The following PATJ variants were observed in gnomAD, a reference collection of about 807,000 sequenced individuals.
The protein encoded by PATJ is PATJ crumbs cell polarity complex component.
PATJ carries 190 observed loss-of-function variants against 224.9 expected under a neutral mutation model. The ratio of observed to expected loss-of-function variants is 0.84; its 90% confidence interval spans 0.75 to 0.95. The LOEUF (loss-of-function observed/expected upper bound fraction) is 0.95. PATJ is among the 40% of genes least tolerant of loss of function. The pLI is 0.00. For missense variants in PATJ, 2,121 were observed against 2,270.3 expected, an observed-to-expected ratio of 0.93 and a Z score of 1.34; for synonymous variants, 769 against 820.3, an observed-to-expected ratio of 0.94 and a Z score of 1.07.
rs763687375 is a variant in PATJ, at chr1:61,899,594, A to G, written c.3143A>G (p.Glu1048Gly). 6 of 1,609,860 alleles carry G rather than the reference A, an allele frequency of 3.7e-6. No individual in the cohort carries two copies. In the Admixed American group the frequency reaches 1.0e-4, roughly 27 times the overall value. The change falls in exon 23 of 44, where the codon GAG becomes GGG. Residue 1048 changes from glutamate to glycine, a missense_variant. Physicochemically the swap from Glu to Gly is moderately conservative, Grantham distance 98. Transcript: ENST00000642238. ...TTCTCCCTCTGTAGTGAGTTACCTGAGAGAGAAGAAGGCGAAGGAGAAGAA... is the reference window on the plus strand; with the variant it reads ...TTCTCCCTCTGTAGTGAGTTACCTGGGAGAGAAGAAGGCGAAGGAGAAGAA... ...RYATDTCELP[E>G]REEGEGEETP...
intron 29 of PATJ, among the ~76,000 whole-genome samples, chr1:62,021,221 A>C (rs1191100518): frequency 6.6e-6 from 1 of 152,162 alleles, no homozygotes; most frequent in East Asian, 1.9e-4. Flanking sequence ...TTCCTGTTTC[A>C]TAGATCTATT....
At chr1:62,127,621 C>T (rs1342996309) in intron 39 of PATJ, among the ~76,000 whole-genome samples, 2 of 152,098 alleles carry the variant, frequency 1.3e-5, no homozygotes, top group East Asian at 1.9e-4. Context: ...GCCTGGCCAA[C>T]ATGGTGAAGC....
rs770666101 is a variant in PATJ at position 61,795,532 on chromosome 1, A to T, written c.1234A>T (p.Ile412Phe). The change falls in exon 10 of 44, where the codon ATT (isoleucine) becomes TTT (phenylalanine). Residue 412 changes from isoleucine (I) to phenylalanine (F), a missense_variant. Transcript: ENST00000642238. ...CAGTGCTGCGTACCACAATGGCCAC[A>T]TTCAAGTGAATGACAAAATAGTTGC... ...PGSAAYHNGH[I>F]QVNDKIVAVD... 6.2e-7 allele frequency: 1 copy of T among 1,609,358 alleles called. No homozygotes were observed. Among genetic ancestry groups the T allele is most frequent in the South Asian group, 1.1e-5 (1 of 90,554 alleles).
At chr1:61,797,912 C>T (rs373561494) in intron 11 of PATJ, among the ~76,000 whole-genome samples, 6 of 151,790 alleles carry the variant, frequency 4.0e-5, no homozygotes, top group South Asian at 2.1e-4. Context: ...AAGTGATTCT[C>T]GTGCCTCAGC....
At chr1:61,996,747 T>C (rs397862514) in intron 28 of PATJ, among the ~76,000 whole-genome samples, 190 of 130,898 alleles carry the variant, frequency 1.5e-3, no homozygotes, top group Middle Eastern at 7.4e-3. Context: ...TTTTCTTTTT[T>C]TTTTTTTTTT....
At chr1:61,890,411 C>T (rs746568680) in intron 22 of PATJ, among the ~76,000 whole-genome samples, 1 of 152,098 alleles carries the variant, frequency 6.6e-6, no homozygotes, top group Non-Finnish European at 1.5e-5. Flanking sequence ...CCCAGCAGTT[C>T]GAGGTTATAG....
intron 14 of PATJ, among the ~76,000 whole-genome samples, chr1:61,814,579 G>A (rs1655721339): frequency 6.7e-6 from 1 of 149,972 alleles, no homozygotes; most frequent in Non-Finnish European, 1.5e-5. Context: ...TGGGATAGAA[G>A]GGGTGTGTAG....
chr1:62,117,847 T>C (rs1664615954), intron 37 of PATJ, among the ~76,000 whole-genome samples: 1 of 152,226 alleles, frequency 6.6e-6, no homozygotes, highest in African/African-American at 2.4e-5. Context: ...TAGCCCCATG[T>C]GGTACATAAT....
At chr1:62,101,921 G>T (rs956950726) in intron 33 of PATJ, among the ~76,000 whole-genome samples, 1 of 152,144 alleles carries the variant, frequency 6.6e-6, no homozygotes, top group Admixed American at 6.6e-5. Context: ...ACTTACACCT[G>T]TAATCCCACC....
intron 29 of PATJ, among the ~76,000 whole-genome samples, chr1:62,021,431 G>T (rs1647073891): frequency 6.6e-6 from 1 of 152,150 alleles, no homozygotes; most frequent in African/African-American, 2.4e-5. Context: ...AACCTTTCCT[G>T]CATGGTCATT....
At chr1:62,125,265 A>AAAAAC (rs1665597466) in intron 39 of PATJ, among the ~76,000 whole-genome samples, 6 of 59,970 alleles carry the variant, frequency 1.0e-4, no homozygotes, top group Non-Finnish European at 3.0e-4. Flanking sequence ...AAAAAAAAAC[A>AAAAAC]AAAAAAAAAC....
At chr1:62,083,119 G>T (rs936682370) in intron 32 of PATJ, among the ~76,000 whole-genome samples, 19 of 152,054 alleles carry the variant, frequency 1.2e-4, no homozygotes, top group South Asian at 4.1e-4. Flanking sequence ...ATGTTTTGAG[G>T]TTTCGTTGTT....
Position 61,832,602 on chromosome 1 carries a change from G to A in PATJ, c.1981-1052G>A, listed in dbSNP as rs573271789. On this transcript the variant is annotated intron_variant, in intron 16 of 43. Coordinates refer to ENST00000642238, the MANE Select transcript of PATJ (RefSeq NM_001350145.3). ...CACTCAAAGATAGGTAATTTTTAAT[G>A]TATTGAACAACTATTTATTGTGTGC... Among the ~76,000 whole-genome samples the A allele has an allele frequency of 2.6e-5, 4 of 152,234 alleles. No individual in the cohort carries two copies. The South Asian group carries it at 8.3e-4, about 32-fold the overall frequency.
Position 61,908,446 on chromosome 1 carries a change from GGT to G in PATJ, c.3459_3460del (p.Phe1154HisfsTer14). 1 of 1,613,800 alleles carries G rather than the reference GGT, an allele frequency of 6.2e-7. No individual in the cohort carries two copies. Among genetic ancestry groups the G allele is most frequent in the South Asian group, 1.1e-5 (1 of 91,060 alleles). On this transcript the variant is annotated frameshift_variant, in exon 25 of 44. Coordinates refer to ENST00000642238, the MANE Select transcript of PATJ (RefSeq NM_001350145.3). LOFTEE classifies it high-confidence loss of function. ...CCATTAAGAATGCAGGAAACCCTGT[GGT>G]GTTCATTGTTCAGAGTTTGTCATCC... Reference protein sequence around the residue: ...EAIKNAGNPVVFIVQSLSSTP... With the variant: ...EAIKNAGNPVXFIVQSLSSTP...
At chr1:62,097,850 AAGG>A (rs1417754504) in intron 33 of PATJ, among the ~76,000 whole-genome samples, 5 of 152,188 alleles carry the variant, frequency 3.3e-5, no homozygotes, top group African/African-American at 7.2e-5. Flanking sequence ...TACCATTTAG[AAGG>A]AGGTCTTATT....
At chr1:62,033,519 G>A (rs2148488433) in intron 29 of PATJ, among the ~76,000 whole-genome samples, 1 of 152,308 alleles carries the variant, frequency 6.6e-6, no homozygotes, top group Admixed American at 6.5e-5. Flanking sequence ...TCTTCTAAAT[G>A]TTAAGCCTCT....
chr1:62,029,022 C>A (rs2148462133), intron 29 of PATJ, among the ~76,000 whole-genome samples: 1 of 134,044 alleles, frequency 7.5e-6, no homozygotes, highest in South Asian at 2.3e-4. Flanking sequence ...TATTTCTTGG[C>A]TGTCTGTCCT....
At chr1:61,826,512 A>G (rs1658295348) in intron 15 of PATJ, among the ~76,000 whole-genome samples, 1 of 152,218 alleles carries the variant, frequency 6.6e-6, no homozygotes, top group South Asian at 2.1e-4. Context: ...TTTTGGGAGT[A>G]GCAGACAGAT....
rs989885793 is a variant in PATJ at position 61,946,474 on chromosome 1, G to A, written c.3670+18645G>A. Among the ~76,000 whole-genome samples, 11 of 152,242 alleles carry A rather than the reference G, an allele frequency of 7.2e-5. No homozygotes were observed. The South Asian group carries it at 1.9e-3, about 26-fold the overall frequency. ...ATAAACTAGAAAATCTAGAAGAAAT[G>A]GATAAATTCCTGGACACATACACCC... On this transcript the variant is annotated intron_variant, in intron 27 of 43. Transcript: ENST00000642238.
Sources: allele counts gnomAD v4.1 joint callset (sites outside exome capture counted in the v4.1 genomes callset), GRCh38; gene constraint gnomAD v4.1.1; transcripts MANE v1.5; gene names NCBI Gene and HGNC (gene_info 2026-07-23, HGNC 2026-07-21).